Variants in ELOC observed in about 807,000 individuals in gnomAD.
The protein encoded by ELOC is elongin C.
For missense variants in ELOC, 38 were observed against 139.0 expected (o/e 0.27, Z 3.65); for synonymous variants, 40 against 51.3 (o/e 0.78, Z 0.94).
Position 73,956,310 on chromosome 8 carries a change from C to T in ELOC, c.5-256G>A, listed in dbSNP as rs374160057. On this transcript the variant is annotated intron_variant, in intron 2 of 3. Coordinates refer to ENST00000520242, the MANE Select transcript of ELOC (RefSeq NM_005648.4). ...TGAGGCAGGAGAATCACTTGAACCT[C>T]GGAGGTGGAGGCTGCAGTGAGCCGA... 3.7e-4 allele frequency among the ~76,000 whole-genome samples: 56 copies of T among 151,928 alleles called. No homozygotes were observed. In the East Asian group the frequency reaches 4.5e-3, roughly 12 times the overall value.
chr8:73,961,649 G>T (rs1347034309), intron 1 of ELOC, among the ~76,000 whole-genome samples: 1 of 152,022 alleles, frequency 6.6e-6, no homozygotes, highest in Non-Finnish European at 1.5e-5. Context: ...CAGTAGCTGG[G>T]ATTACAGGCG....
At chr8:73,955,605 C>CAAAAA (rs745881399) in intron 3 of ELOC, 5 of 189,384 alleles carry the variant, frequency 2.6e-5, no homozygotes, top group Non-Finnish European at 5.1e-5. Context: ...GACTCTGTCT[C>CAAAAA]AAAAAAAAAA....
At chr8:73,955,823 T>C in intron 3 of ELOC, 88 bp downstream of exon 3, 1 of 1,370,372 alleles carries the variant, frequency 7.3e-7, no homozygotes, top group Non-Finnish European at 1.0e-6. Context: ...TTATTTTCTC[T>C]TTAAATGCTG....
intron 1 of ELOC, among the ~76,000 whole-genome samples, chr8:73,970,194 A>G (rs1334564366): frequency 2.6e-5 from 4 of 152,222 alleles, no homozygotes; most frequent in Admixed American, 2.6e-4. Flanking sequence ...GTGAGCCGTG[A>G]TAGTGCTACT....
At chr8:73,950,473 T>C (rs1036504194) in intron 3 of ELOC, among the ~76,000 whole-genome samples, 1 of 152,234 alleles carries the variant, frequency 6.6e-6, no homozygotes, top group African/African-American at 2.4e-5. Flanking sequence ...TGTATTTCAA[T>C]GTAACCAAAT....
At chr8:73,968,583 C>T (rs1327528665) in intron 1 of ELOC, among the ~76,000 whole-genome samples, 1 of 152,232 alleles carries the variant, frequency 6.6e-6, no homozygotes, top group Non-Finnish European at 1.5e-5. Flanking sequence ...CCAATCACTT[C>T]AGTTGCCTTG....
intron 1 of ELOC, among the ~76,000 whole-genome samples, chr8:73,961,511 ACT>A (rs1384849486): frequency 6.7e-5 from 10 of 149,860 alleles, no homozygotes; most frequent in South Asian, 2.1e-4. Context: ...AAGTACCATC[ACT>A]CTCTCTTTTT....
At chr8:73,963,674 T>A (rs915826928) in intron 1 of ELOC, among the ~76,000 whole-genome samples, 74 of 152,190 alleles carry the variant, frequency 4.9e-4, no homozygotes, top group African/African-American at 1.8e-3. Context: ...TAAAATAAGG[T>A]TAGAACAGAT....
chr8:73,971,046 A>AAAAAAGAAAAAG (rs1554597722), intron 1 of ELOC, among the ~76,000 whole-genome samples: 4 of 149,762 alleles, frequency 2.7e-5, no homozygotes, highest in African/African-American at 9.9e-5. Flanking sequence ...AAAAAAAAAA[A>AAAAAAGAAAAAG]AAAAAGAAAA....
chr8:73,956,464 C>T (rs894021689), intron 2 of ELOC, among the ~76,000 whole-genome samples: 1 of 152,144 alleles, frequency 6.6e-6, no homozygotes, highest in African/African-American at 2.4e-5. Flanking sequence ...AGAAACATTT[C>T]TGGAAGGTAT....
chr8:73,954,736 A>G (rs1814032753), intron 3 of ELOC, among the ~76,000 whole-genome samples: 1 of 151,712 alleles, frequency 6.6e-6, no homozygotes, highest in Non-Finnish European at 1.5e-5. Context: ...TCTGTGGTTA[A>G]AAGGCTGACT....
At chr8:73,967,005 G>A (rs997415232) in intron 1 of ELOC, among the ~76,000 whole-genome samples, 4 of 152,162 alleles carry the variant, frequency 2.6e-5, no homozygotes, top group Admixed American at 2.0e-4. Flanking sequence ...TTTCTTCAAC[G>A]GTAAAATGAG....
In ELOC at chr8:73,945,336, C is replaced by G. The variant is rs1479458606; in HGVS notation, c.*1294G>C. On this transcript the variant is annotated 3_prime_UTR_variant, in exon 4 of 4. Transcript: ENST00000520242. ...GTTTTGCCATGGTGGCCAGGCTGGTCTCAAACTCCTGGCCTCAAGTGATCT... is the reference window on the plus strand; with the variant it reads ...GTTTTGCCATGGTGGCCAGGCTGGTGTCAAACTCCTGGCCTCAAGTGATCT... The G allele has an allele frequency of 6.6e-6, 1 of 152,066 alleles. No individual in the cohort carries two copies. The highest frequency in any genetic ancestry group is 1.5e-5 in the Non-Finnish European group (1 of 68,082). The allele number at this position is 152,066 out of a possible 1,614,324, so 9.4% of individuals were successfully genotyped here.
intron 2 of ELOC, among the ~76,000 whole-genome samples, chr8:73,959,209 G>C (rs188687906): frequency 2.6e-5 from 4 of 152,246 alleles, no homozygotes; most frequent in African/African-American, 9.6e-5. Flanking sequence ...GACTTCATAA[G>C]TACTGTACAC....
At chr8:73,946,850 TG>T in intron 3 of ELOC, 30 bp from the exon 4 acceptor site, 3 of 1,581,716 alleles carry the variant, frequency 1.9e-6, no homozygotes, top group Non-Finnish European at 2.6e-6. Context: ...TGTATGTTAT[TG>T]GCTGAATTGT....
intron 1 of ELOC, among the ~76,000 whole-genome samples, chr8:73,960,908 C>T (rs149709569): frequency 0.011 from 1,717 of 152,152 alleles, 33 homozygotes; most frequent in African/African-American, 0.04. Flanking sequence ...ACCCAGGAGA[C>T]TGAGACCAGC....
chr8:73,956,185 G>T, intron 2 of ELOC, 131 bp from the exon 3 acceptor site: 1 of 764,944 alleles, frequency 1.3e-6, no homozygotes, highest in African/African-American at 1.8e-5. Context: ...GAGGTCAGGA[G>T]TTCAAGACCA....
At chr8:73,964,044 G>A (rs1332479144) in intron 1 of ELOC, among the ~76,000 whole-genome samples, 2 of 138,062 alleles carry the variant, frequency 1.4e-5, no homozygotes, top group Non-Finnish European at 3.0e-5. Context: ...AGTGAGCCAA[G>A]ACTGCGCCAC....
At chr8:73,969,409 C>T (rs1461895199) in intron 1 of ELOC, among the ~76,000 whole-genome samples, 1 of 152,206 alleles carries the variant, frequency 6.6e-6, no homozygotes, top group Non-Finnish European at 1.5e-5. Context: ...CAACTCCACA[C>T]TTCTAGTTCA....
Sources: allele counts gnomAD v4.1 joint callset (sites outside exome capture counted in the v4.1 genomes callset), GRCh38; gene constraint gnomAD v4.1.1; transcripts MANE v1.5; gene names NCBI Gene and HGNC (gene_info 2026-07-23, HGNC 2026-07-21).